The following DCHS2 variants were observed in gnomAD, a reference collection of about 807,000 sequenced individuals.
The protein encoded by DCHS2 is protocadherin-23.
Under a neutral mutation model 182.4 loss-of-function variants are expected in DCHS2, and 142 were observed. The ratio of observed to expected loss-of-function variants is 0.78; its 90% CI spans 0.68 to 0.89. The LOEUF is 0.89. Ranked by LOEUF, DCHS2 falls within the 40% of genes least tolerant of loss-of-function variation. DCHS2 has a pLI of 0.00. For synonymous variants in DCHS2, 1,740 were observed against 1,663.3 expected, an observed-to-expected ratio of 1.05 and a Z score of -1.12; for missense variants, 4,319 against 4,198.6, an observed-to-expected ratio of 1.03 and a Z score of -0.79.
At chr4:154,257,689 A>G (rs1018999388) in intron 15 of DCHS2, among the ~76,000 whole-genome samples, 5 of 152,164 alleles carry the variant, frequency 3.3e-5, no homozygotes, top group Non-Finnish European at 7.4e-5. Context: ...AAAAACCAGG[A>G]AGCAACCACC....
chr4:154,240,455 T>A (rs1731756183), intron 18 of DCHS2, 82 bp downstream of exon 18: 2 of 1,491,618 alleles, frequency 1.3e-6, no homozygotes, highest in Admixed American at 4.2e-5. Flanking sequence ...TCTGAATTAG[T>A]CTATCGGCGA....
rs747828053 is a variant in DCHS2, at chr4:154,298,162, G to A, written c.6152C>T (p.Ser2051Leu). The change falls in exon 13 of 20, where the codon TCG (serine) becomes TTG (leucine). Residue 2051 changes from serine to leucine, a missense_variant. Ser to Leu is a moderately radical substitution (Grantham distance 145). Transcript: ENST00000357232. The stretch of plus-strand genomic sequence containing the variant: ...AATGACAGTTGTCTGGTTTGTAGGC[G>A]ACTCGGGGGAAAGAAACACATCAAA... Reference protein sequence around the residue: ...NPFDVFLSPESPTNQTTVIVR... With the variant: ...NPFDVFLSPELPTNQTTVIVR... The A allele has an allele frequency of 1.6e-5, 26 of 1,613,930 alleles. No homozygotes were observed. The highest frequency in any genetic ancestry group is 1.5e-4 in the South Asian group (14 of 91,082).
intron 7 of DCHS2, among the ~76,000 whole-genome samples, chr4:154,325,961 A>G (rs1736265459): frequency 1.3e-5 from 2 of 152,238 alleles, no homozygotes; most frequent in Non-Finnish European, 2.9e-5. Context: ...ATTTATCCAC[A>G]CTGCCATGTA....
chr4:154,259,993 T>C (rs567774221), intron 14 of DCHS2, among the ~76,000 whole-genome samples: 26 of 152,186 alleles, frequency 1.7e-4, no homozygotes, highest in South Asian at 2.1e-4. Flanking sequence ...CAGCCAATTT[T>C]TTGTATTTTT....
intron 1 of DCHS2, among the ~76,000 whole-genome samples, chr4:154,430,235 C>CT (rs1311299082): frequency 6.6e-6 from 1 of 152,150 alleles, no homozygotes; most frequent in East Asian, 1.9e-4. Context: ...ATAAAATGCT[C>CT]TTTTTTCAAC....
chr4:154,478,563 AAC>A (rs1046017186), intron 1 of DCHS2, among the ~76,000 whole-genome samples: 4 of 152,154 alleles, frequency 2.6e-5, no homozygotes, highest in Non-Finnish European at 4.4e-5. Flanking sequence ...AGTCACTAGA[AAC>A]ACACAGTCTT....
In DCHS2 at chr4:154,335,094, G is replaced by A; in HGVS notation, c.2487C>T (p.Tyr829=). The A allele has an allele frequency of 6.2e-7, 1 of 1,600,748 alleles. No individual in the cohort carries two copies. The highest frequency in any genetic ancestry group is 8.6e-7 in the Non-Finnish European group (1 of 1,167,828). ...CCAAATGACTAAGAGGTAATGTTAA[G>A]TAAATAATTCCTGGGTAGGGAAAAG... ...FTIDSTTGII[Y]LTLPLSHLES... Residue 829 remains tyrosine (Y), a synonymous_variant, in exon 4 of 20, where the codon TAC becomes TAT. Coordinates refer to ENST00000357232, the MANE Select transcript of DCHS2 (RefSeq NM_001358235.2).
chr4:154,458,442 T>G (rs1734864498), intron 1 of DCHS2, among the ~76,000 whole-genome samples: 1 of 152,182 alleles, frequency 6.6e-6, no homozygotes. Context: ...AGCGCTAATA[T>G]TCTCTTGTTC....
intron 13 of DCHS2, 127 bp downstream of exon 13, chr4:154,297,724 C>G: frequency 7.1e-7 from 1 of 1,418,278 alleles, no homozygotes; most frequent in South Asian, 1.5e-5. Flanking sequence ...ATTCCAATAT[C>G]AAGAACAGGC....
At chr4:154,423,374 T>C (rs868339650) in intron 1 of DCHS2, among the ~76,000 whole-genome samples, 8 of 152,266 alleles carry the variant, frequency 5.3e-5, no homozygotes, top group Admixed American at 2.0e-4. Context: ...TTGTAGTACG[T>C]GTCAGCACTT....
chr4:154,489,869 G>A lies in DCHS2; in HGVS notation c.1487C>T (p.Pro496Leu), dbSNP rs1039754870. The stretch of plus-strand genomic sequence containing the variant: ...CAGATCGCGGCTCTCTCTGTCCAGG[G>A]GCCCCTCCACGCAAAGGAAAAATAC... ...PGVFFLCVEG[P>L]LDRESRDLYE... Residue 496 changes from proline (P) to leucine (L), a missense_variant, in exon 1 of 20, where the codon CCC (proline) becomes CTC (leucine). Physicochemically the swap from Pro to Leu is moderately conservative, Grantham distance 98. Coordinates refer to ENST00000357232, the MANE Select transcript of DCHS2 (RefSeq NM_001358235.2). 6.5e-7 allele frequency: 1 copy of A among 1,545,262 alleles called. No individual in the cohort carries two copies. Among genetic ancestry groups the A allele is most frequent in the Non-Finnish European group, 8.8e-7 (1 of 1,142,744 alleles).
At chr4:154,338,259 A>G (rs1728905716) in intron 3 of DCHS2, among the ~76,000 whole-genome samples, 1 of 152,270 alleles carries the variant, frequency 6.6e-6, no homozygotes, top group Admixed American at 6.5e-5. Context: ...ATAAAATTAA[A>G]AGAAATTTTG....
intron 13 of DCHS2, among the ~76,000 whole-genome samples, chr4:154,292,932 G>T (rs1415933022): frequency 6.6e-6 from 1 of 152,262 alleles, no homozygotes; most frequent in East Asian, 1.9e-4. Flanking sequence ...TCTTAAATGT[G>T]CCACTTTCTT....
chr4:154,263,870 G>C (rs531585901), intron 14 of DCHS2, among the ~76,000 whole-genome samples: 1 of 151,896 alleles, frequency 6.6e-6, no homozygotes, highest in African/African-American at 2.4e-5. Flanking sequence ...CTGCAGCAAC[G>C]GTGATGAGTT....
chr4:154,237,083 A>T lies in DCHS2; in HGVS notation c.7569T>A (p.Asp2523Glu). 1 of 1,613,882 alleles carries T rather than the reference A, an allele frequency of 6.2e-7. No homozygotes were observed. The highest frequency in any genetic ancestry group is 1.1e-5 in the South Asian group (1 of 91,064). ...GAGCTCTCAGGTCAGGATTTCCACC[A>T]TCACTGGCTTCCACAAGAAATTGAG... ...STTQFLVEAS[D>E]GGNPDLRALT... Residue 2523 changes from aspartate to glutamate, a missense_variant, in exon 20 of 20, where the codon GAT becomes GAA. Transcript: ENST00000357232.
In DCHS2 at chr4:154,236,320, C is replaced by G; in HGVS notation, c.8332G>C (p.Val2778Leu). The change falls in exon 20 of 20, where the codon GTT (valine) becomes CTT (leucine). Residue 2778 changes from valine to leucine, a missense_variant. Coordinates refer to ENST00000357232, the MANE Select transcript of DCHS2 (RefSeq NM_001358235.2). ...QFMFSSFSCI[V>L]PENLPISSTI... ...GAGGAAATAGGCAGATTTTCTGGAA[C>G]AATACAGCTGAAGCTTGAGAACATA... 1.2e-6 allele frequency: 2 copies of G among 1,614,006 alleles called. No individual in the cohort carries two copies. The highest frequency in any genetic ancestry group is 1.7e-6 in the Non-Finnish European group (2 of 1,179,958).
At chr4:154,350,649 G>A (rs1426918474) in intron 3 of DCHS2, among the ~76,000 whole-genome samples, 1 of 151,994 alleles carries the variant, frequency 6.6e-6, no homozygotes, top group African/African-American at 2.4e-5. Flanking sequence ...ATCCATAACT[G>A]CACAGCAACC....
At chr4:154,325,721 G>A (rs1736255243) in intron 7 of DCHS2, among the ~76,000 whole-genome samples, 1 of 152,122 alleles carries the variant, frequency 6.6e-6, no homozygotes, top group African/African-American at 2.4e-5. Flanking sequence ...CCATTCAAGT[G>A]TCCTGAGAAC....
In DCHS2 at chr4:154,320,688, T is replaced by G; in HGVS notation, c.4711A>C (p.Thr1571Pro). ...CTTTCTCTGTCAAGACGGGACACAG[T>G]GACTAGTGTGCCAAATGAGGGGTGG... ...LIHPSFGTLV[T>P]VSRLDRESIP... Residue 1571 changes from threonine (T) to proline (P), a missense_variant, in exon 9 of 20, where the codon ACT becomes CCT. Physicochemically the swap from Thr to Pro is conservative, Grantham distance 38 (BLOSUM62 -1). Transcript: ENST00000357232. 2 of 1,614,094 alleles carry G rather than the reference T, an allele frequency of 1.2e-6. No homozygotes were observed. Among genetic ancestry groups the G allele is most frequent in the Middle Eastern group, 1.6e-4 (1 of 6,062 alleles).
Sources: allele counts gnomAD v4.1 joint callset (sites outside exome capture counted in the v4.1 genomes callset), GRCh38; gene constraint gnomAD v4.1.1; transcripts MANE v1.5; gene names NCBI Gene and HGNC (gene_info 2026-07-23, HGNC 2026-07-21).